ARHGAP18: variants seen among roughly 807,000 people sequenced by gnomAD.
ARHGAP18 encodes the protein Rho GTPase activating protein 18, also known as rho GTPase-activating protein 18.
ARHGAP18 carries 67 observed loss-of-function variants against 86.2 expected under a neutral mutation model. The ratio of observed to expected loss-of-function variants is 0.78; its 90% CI spans 0.64 to 0.95. The LOEUF (loss-of-function observed/expected upper bound fraction) is 0.95. Ranked by LOEUF, ARHGAP18 falls within the 40% of genes least tolerant of loss-of-function variation. The pLI is 0.00. For synonymous variants in ARHGAP18, 283 were observed against 280.4 expected (o/e 1.01, Z -0.09); for missense variants, 691 against 780.4 (o/e 0.89, Z 1.37).
At chr6:129,702,771 G>A (rs150652008) in intron 1 of ARHGAP18, among the ~76,000 whole-genome samples, 2,146 of 152,198 alleles carry the variant, frequency 0.014, 44 homozygotes, top group African/African-American at 0.048. Context: ...AGGCCTAGGC[G>A]GGTGGATCAC....
At chr6:129,708,209 C>A (rs374593434) in intron 1 of ARHGAP18, among the ~76,000 whole-genome samples, 2 of 152,176 alleles carry the variant, frequency 1.3e-5, no homozygotes, top group African/African-American at 4.8e-5. Context: ...CCCATCTTCT[C>A]CGGTCAATAT....
At chr6:129,707,966 G>A (rs981537571) in intron 1 of ARHGAP18, among the ~76,000 whole-genome samples, 11 of 151,824 alleles carry the variant, frequency 7.2e-5, no homozygotes, top group African/African-American at 2.2e-4. Flanking sequence ...TCACCGCCCC[G>A]AAACCACTAT....
intron 1 of ARHGAP18, among the ~76,000 whole-genome samples, chr6:129,649,423 G>A (rs934417279): frequency 6.6e-6 from 1 of 151,734 alleles, no homozygotes; most frequent in African/African-American, 2.4e-5. Context: ...GTGTAGTGGC[G>A]CACGCCTGTA....
intron 12 of ARHGAP18, among the ~76,000 whole-genome samples, chr6:129,586,646 G>T (rs1477367122): frequency 6.6e-6 from 1 of 152,084 alleles, no homozygotes; most frequent in Non-Finnish European, 1.5e-5. Flanking sequence ...AAGATGACTG[G>T]ATTAAGTTTT....
intron 1 of ARHGAP18, among the ~76,000 whole-genome samples, chr6:129,681,653 A>C (rs1039955946): frequency 2.6e-5 from 4 of 152,210 alleles, no homozygotes; most frequent in Non-Finnish European, 4.4e-5. Context: ...AAACAGAATA[A>C]ATAATTCATT....
At chr6:129,681,933 T>G (rs912754993) in intron 1 of ARHGAP18, among the ~76,000 whole-genome samples, 5 of 152,264 alleles carry the variant, frequency 3.3e-5, no homozygotes, top group Non-Finnish European at 7.3e-5. Context: ...GTTTCCTCTC[T>G]GCTGTATCTC....
intron 1 of ARHGAP18, among the ~76,000 whole-genome samples, chr6:129,703,415 A>G (rs899683247): frequency 6.6e-6 from 1 of 152,254 alleles, no homozygotes; most frequent in African/African-American, 2.4e-5. Context: ...TAGAAGAGAC[A>G]AGGCAGCACA....
Position 129,629,428 on chromosome 6 carries a change from G to A in ARHGAP18, c.711C>T (p.Ala237=), listed in dbSNP as rs367609881. The change falls in exon 5 of 15, where the codon GCC becomes GCT. Residue 237 remains alanine, a synonymous_variant. Transcript: ENST00000368149. ...ETDINLEVSF[A]EQALNQKESS... Reference sequence around the variant, plus strand: ...TCTCTTTCTGATTGAGTGCTTGCTCGGCAAATGATACCTCCAGGTTGATGT... The same window carrying A: ...TCTCTTTCTGATTGAGTGCTTGCTCAGCAAATGATACCTCCAGGTTGATGT... The A allele has an allele frequency of 2.4e-5, 38 of 1,613,696 alleles. No homozygotes were observed. Among genetic ancestry groups the A allele is most frequent in the African/African-American group, 6.7e-5 (5 of 74,770 alleles).
rs562997986 is a variant in ARHGAP18, at chr6:129,618,763, T to C, written c.876A>G (p.Leu292=). The part of the protein sequence containing the change: ...QDMKKVCHLA[L]IELTALYDVL... ...CATCATAGAGGGCAGTCAGCTCAATTAGGGCTAAATGGCAAACTTTCTTCA... is the reference window on the plus strand; with the variant it reads ...CATCATAGAGGGCAGTCAGCTCAATCAGGGCTAAATGGCAAACTTTCTTCA... The change falls in exon 6 of 15, where the codon CTA becomes CTG. Residue 292 remains leucine (L), a synonymous_variant. Transcript: ENST00000368149. 10 of 1,613,752 alleles carry C rather than the reference T, an allele frequency of 6.2e-6. No homozygotes were observed. In the African/African-American group the frequency reaches 8.0e-5, roughly 13 times the overall value.
In ARHGAP18 at chr6:129,667,422, AT is replaced by A. The variant is rs537451451; in HGVS notation, c.114-25405del. Among the ~76,000 whole-genome samples, 9 of 151,864 alleles carry A rather than the reference AT, an allele frequency of 5.9e-5. No homozygotes were observed. In the East Asian group the frequency reaches 1.7e-3, roughly 29 times the overall value. On this transcript the variant is annotated intron_variant, in intron 1 of 14. Transcript: ENST00000368149. ...CAAAAATTTAATATAATCAAAATCT[AT>A]AATGAGTCAGGCATCAACCAGGTCT...
At chr6:129,631,762 T>TAAAA (rs386408589) in intron 4 of ARHGAP18, among the ~76,000 whole-genome samples, 15 of 107,618 alleles carry the variant, frequency 1.4e-4, no homozygotes, top group African/African-American at 3.9e-4. Flanking sequence ...GCTTCTATTT[T>TAAAA]AAAAAAAAAA....
intron 5 of ARHGAP18, among the ~76,000 whole-genome samples, chr6:129,625,297 A>ATAT (rs1789362820): frequency 1.2e-5 from 1 of 80,760 alleles, no homozygotes; most frequent in African/African-American, 5.0e-5. Flanking sequence ...TATATGATAT[A>ATAT]TGATATATAT....
intron 1 of ARHGAP18, among the ~76,000 whole-genome samples, chr6:129,689,103 C>T (rs2114545024): frequency 6.6e-6 from 1 of 152,088 alleles, no homozygotes; most frequent in Non-Finnish European, 1.5e-5. Flanking sequence ...TCTGAAATTT[C>T]TGGAGGAATA....
rs1013551213 is a variant in ARHGAP18, at chr6:129,627,706, G to T, written c.786+1647C>A. Among the ~76,000 whole-genome samples, 5 of 151,776 alleles carry T rather than the reference G, an allele frequency of 3.3e-5. No individual in the cohort carries two copies. In the South Asian group the frequency reaches 1.0e-3, roughly 32 times the overall value. ...GAGGGAGAGAGAAAGAAACAGAGAA[G>T]GAGATTTAAGAATTCTTAAAAGATG... On this transcript the variant is annotated intron_variant, in intron 5 of 14. Transcript: ENST00000368149.
At chr6:129,594,156 GTC>G (rs897790867) in intron 12 of ARHGAP18, among the ~76,000 whole-genome samples, 1 of 152,018 alleles carries the variant, frequency 6.6e-6, no homozygotes, top group Non-Finnish European at 1.5e-5. Flanking sequence ...ATGATCTATA[GTC>G]TCTTTCACTC....
At chr6:129,619,090 C>T (rs371998964) in intron 5 of ARHGAP18, among the ~76,000 whole-genome samples, 12 of 149,710 alleles carry the variant, frequency 8.0e-5, no homozygotes, top group East Asian at 4.0e-4. Flanking sequence ...ACCGCAAACT[C>T]GGAGTATTAA....
intron 1 of ARHGAP18, among the ~76,000 whole-genome samples, chr6:129,675,726 T>A (rs1233475480): frequency 6.6e-6 from 1 of 152,110 alleles, no homozygotes; most frequent in Non-Finnish European, 1.5e-5. Flanking sequence ...GAATAAGAAA[T>A]AGAGACTTAA....
intron 12 of ARHGAP18, among the ~76,000 whole-genome samples, chr6:129,598,453 C>T (rs1788664646): frequency 6.6e-6 from 1 of 152,134 alleles, no homozygotes; most frequent in South Asian, 2.1e-4. Flanking sequence ...TGTAACTGAA[C>T]AACTTCAATG....
chr6:129,638,242 C>T, intron 3 of ARHGAP18, 152 bp downstream of exon 3: 3 of 747,400 alleles, frequency 4.0e-6, no homozygotes, highest in Non-Finnish European at 6.5e-6. Context: ...AGGCAGGAAG[C>T]AAGTCTCTCT....
Sources: allele counts gnomAD v4.1 joint callset (sites outside exome capture counted in the v4.1 genomes callset), GRCh38; gene constraint gnomAD v4.1.1; transcripts MANE v1.5; gene names NCBI Gene and HGNC (gene_info 2026-07-23, HGNC 2026-07-21).